MYT1L: variants seen among roughly 807,000 people sequenced by gnomAD.
MYT1L encodes the protein myelin transcription factor 1-like protein.
A neutral mutation model predicts 126.7 loss-of-function variants in MYT1L; 12 were observed. The observed-to-expected ratio is 0.09, with a 90% CI of 0.06 to 0.15. The LOEUF (loss-of-function observed/expected upper bound fraction) is 0.15, where lower values mean the gene tolerates loss of function less well. MYT1L is among the 10% of genes least tolerant of loss of function. The pLI is 1.00. For missense variants in MYT1L, 979 were observed against 1,585.2 expected, an observed-to-expected ratio of 0.62 and a Z score of 6.49; for synonymous variants, 541 against 604.2, an observed-to-expected ratio of 0.90 and a Z score of 1.53.
intron 1 of MYT1L, among the ~76,000 whole-genome samples, chr2:2,296,695 T>C (rs1311110235): frequency 6.6e-6 from 1 of 152,116 alleles, no homozygotes; most frequent in Non-Finnish European, 1.5e-5. Flanking sequence ...GAGAGACACT[T>C]CAAGAACGGG....
intron 2 of MYT1L, among the ~76,000 whole-genome samples, chr2:2,230,256 GA>G (rs2094129186): frequency 6.6e-6 from 1 of 152,206 alleles, no homozygotes; most frequent in Admixed American, 6.5e-5. Flanking sequence ...GCCTGTGGGA[GA>G]AAACAACCTA....
At chr2:1,836,486 A>G (rs946331848) in intron 21 of MYT1L, among the ~76,000 whole-genome samples, 4 of 144,704 alleles carry the variant, frequency 2.8e-5, no homozygotes, top group Admixed American at 2.1e-4. Flanking sequence ...ACCAGCCTGC[A>G]CCCCAAAATT....
In MYT1L at chr2:1,815,055, G is replaced by A. The variant is rs141113031; in HGVS notation, c.3081-5888C>T. ...CAAACAAAATTTCCCACCTCATAGG[G>A]ATATTTTGAAGGTTGAATATAGAGA... On this transcript the variant is annotated intron_variant, in intron 21 of 24. Coordinates refer to ENST00000647738, the MANE Select transcript of MYT1L (RefSeq NM_001303052.2). 4.7e-3 allele frequency among the ~76,000 whole-genome samples: 712 copies of A among 152,314 alleles called. 11 individuals are homozygous for A. Among genetic ancestry groups the A allele is most frequent in the African/African-American group, 0.016 (676 of 41,560 alleles).
chr2:2,134,241 T>C (rs935476928), intron 3 of MYT1L, among the ~76,000 whole-genome samples: 1 of 152,116 alleles, frequency 6.6e-6, no homozygotes, highest in Non-Finnish European at 1.5e-5. Context: ...GTTTCTTACA[T>C]CTCCCTACCA....
chr2:2,129,955 C>G (rs2082166579), intron 3 of MYT1L, among the ~76,000 whole-genome samples: 1 of 149,590 alleles, frequency 6.7e-6, no homozygotes, highest in South Asian at 2.1e-4. Flanking sequence ...ACTTAAGGAA[C>G]ATAAGAAACA....
At chr2:1,919,127 C>T (rs992743339) in intron 10 of MYT1L, among the ~76,000 whole-genome samples, 1 of 152,094 alleles carries the variant, frequency 6.6e-6, no homozygotes, top group African/African-American at 2.4e-5. Context: ...GATTACCTAA[C>T]AAAATATATG....
chr2:1,852,633 T>G lies in MYT1L; in HGVS notation c.2712-930A>C, dbSNP rs1177891664. Among the ~76,000 whole-genome samples, 1 of 152,202 alleles carries G rather than the reference T, an allele frequency of 6.6e-6. No homozygotes were observed. The highest frequency in any genetic ancestry group is 6.5e-5 in the Admixed American group (1 of 15,286). ...AAACACATTTTCACTTTGAGCTATTTCAGTTGCATTTGCGCCCACCATGAA... is the reference window on the plus strand; with the variant it reads ...AAACACATTTTCACTTTGAGCTATTGCAGTTGCATTTGCGCCCACCATGAA... On this transcript the variant is annotated intron_variant, in intron 18 of 24. Transcript: ENST00000647738. This position sits in a 1 kb window ranked among gnomAD's most constrained non-coding sequence, Gnocchi z 4.0.
At chr2:1,796,237 C>A (rs1350269538) in intron 23 of MYT1L, among the ~76,000 whole-genome samples, 1 of 152,144 alleles carries the variant, frequency 6.6e-6, no homozygotes, top group Non-Finnish European at 1.5e-5. Context: ...TTTGCCAATC[C>A]CTGGTCTAGA....
chr2:1,798,358 G>C (rs576401827), intron 23 of MYT1L, among the ~76,000 whole-genome samples: 8 of 152,348 alleles, frequency 5.3e-5, no homozygotes, highest in Non-Finnish European at 8.8e-5. Flanking sequence ...TTCTTTATCA[G>C]ATTTAAATCT....
chr2:2,297,103 C>T (rs1311725944), intron 1 of MYT1L, among the ~76,000 whole-genome samples: 1 of 152,192 alleles, frequency 6.6e-6, no homozygotes, highest in Non-Finnish European at 1.5e-5. Context: ...AATGTCCCTG[C>T]TTCAAGGGAG....
intron 4 of MYT1L, among the ~76,000 whole-genome samples, chr2:2,027,849 G>A (rs1182671327): frequency 3.3e-5 from 5 of 152,216 alleles, no homozygotes; most frequent in Non-Finnish European, 5.9e-5. Context: ...GGTGTCAGTG[G>A]CCAAGGGCTC....
chr2:2,025,781 C>G (rs752368242), intron 4 of MYT1L, among the ~76,000 whole-genome samples: 6 of 152,050 alleles, frequency 3.9e-5, no homozygotes, highest in Non-Finnish European at 8.8e-5. Flanking sequence ...TTACATATAA[C>G]ATTCCTGTCA....
intron 4 of MYT1L, among the ~76,000 whole-genome samples, chr2:2,039,068 C>T (rs1035280503): frequency 6.6e-6 from 1 of 152,182 alleles, no homozygotes; most frequent in African/African-American, 2.4e-5. Context: ...GTACGTGGAA[C>T]AGCACTGGCA....
At chr2:2,174,038 G>A (rs1004481774) in intron 2 of MYT1L, among the ~76,000 whole-genome samples, 15 of 152,086 alleles carry the variant, frequency 9.9e-5, no homozygotes, top group African/African-American at 3.6e-4. Context: ...CCCCTAATAA[G>A]AATTTACTAA....
In MYT1L at chr2:1,852,027, A is replaced by G. The variant is rs1322522371; in HGVS notation, c.2712-324T>C. Among the ~76,000 whole-genome samples, 2 of 152,150 alleles carry G rather than the reference A, an allele frequency of 1.3e-5. No homozygotes were observed. Among genetic ancestry groups the G allele is most frequent in the Admixed American group, 6.5e-5 (1 of 15,284 alleles). ...TTTCCTCCCCTCATTCTTAAAGCTC[A>G]GCAGAGCCAGCAACCACAGGGCTTG... is the stretch of plus-strand genomic sequence containing the variant. On this transcript the variant is annotated intron_variant, in intron 18 of 24. Coordinates refer to ENST00000647738, the MANE Select transcript of MYT1L (RefSeq NM_001303052.2). This position sits in a 1 kb window ranked among gnomAD's most constrained non-coding sequence, Gnocchi z 4.0.
intron 1 of MYT1L, among the ~76,000 whole-genome samples, chr2:2,295,917 T>TAG (rs570536864): frequency 9.3e-6 from 1 of 107,454 alleles, no homozygotes; most frequent in Admixed American, 1.2e-4. Flanking sequence ...ATAATAAAGC[T>TAG]AGAGAGAGAG....
intron 2 of MYT1L, among the ~76,000 whole-genome samples, chr2:2,176,006 T>A (rs1039393215): frequency 6.6e-6 from 1 of 152,232 alleles, no homozygotes. Flanking sequence ...AAGGAGCTTG[T>A]TTCCTTTGTA....
At chr2:1,853,519 C>T (rs2148549691) in intron 18 of MYT1L, among the ~76,000 whole-genome samples, 1 of 152,304 alleles carries the variant, frequency 6.6e-6, no homozygotes, top group East Asian at 1.9e-4. Flanking sequence ...TGTGGGTAAA[C>T]TCCAAACCCA....
At position 2,119,419 on chromosome 2, in the gene MYT1L, T is replaced by A. The variant is rs187652264; in HGVS notation, c.-304+53453A>T. Among the ~76,000 whole-genome samples the A allele has an allele frequency of 7.1e-4, 108 of 152,326 alleles. 1 individual carries two copies. Among genetic ancestry groups the A allele is most frequent in the Non-Finnish European group, 5.9e-5 (4 of 68,026 alleles). On this transcript the variant is annotated intron_variant, in intron 3 of 24. Transcript: ENST00000647738. The stretch of plus-strand genomic sequence containing the variant: ...TTGGGAGTCATTACCCAAAAGTAAT[T>A]AAGGGAAAATAAAATTCAGTTTTTG...
Sources: allele counts gnomAD v4.1 joint callset (sites outside exome capture counted in the v4.1 genomes callset), GRCh38; gene constraint gnomAD v4.1.1; non-coding constraint Gnocchi (gnomAD v3.1); transcripts MANE v1.5; gene names NCBI Gene and HGNC (gene_info 2026-07-23, HGNC 2026-07-21).